Variants in CNTNAP5 observed in about 807,000 individuals in gnomAD.
CNTNAP5 encodes the protein contactin associated protein family member 5, also known as contactin-associated protein-like 5.
CNTNAP5 carries 72 observed loss-of-function variants against 150.2 expected under a neutral mutation model. The ratio of observed to expected loss-of-function variants is 0.48; its 90% CI spans 0.40 to 0.58. The LOEUF is 0.58. CNTNAP5 is among the 20% of genes least tolerant of loss of function. The pLI is 0.00. For missense variants in CNTNAP5, 1,636 were observed against 1,626.2 expected (o/e 1.01, Z -0.10); for synonymous variants, 672 against 619.8 (o/e 1.08, Z -1.25).
intron 7 of CNTNAP5, among the ~76,000 whole-genome samples, chr2:124,497,724 G>A (rs773775724): frequency 1.1e-4 from 16 of 152,128 alleles, no homozygotes; most frequent in South Asian, 4.1e-4. Flanking sequence ...ATGAACATAC[G>A]AGAGTCCAGG....
chr2:124,881,841 C>A (rs892819607), intron 21 of CNTNAP5, among the ~76,000 whole-genome samples: 1 of 152,004 alleles, frequency 6.6e-6, no homozygotes, highest in African/African-American at 2.4e-5. Context: ...GAAACATGGG[C>A]CTTTGTGCTT....
Position 124,709,426 on chromosome 2 carries a change from G to GC in CNTNAP5, c.2078-37803_2078-37802insC, listed in dbSNP as rs1410080080. On this transcript the variant is annotated intron_variant, in intron 13 of 23. Coordinates refer to ENST00000682447, the MANE Select transcript of CNTNAP5 (RefSeq NM_001367498.1). ...AAATTTTATAAAGTTGAAAAAATGA[G>GC]TCTTACATAAATATAGAATGAATAC... Among the ~76,000 whole-genome samples, 4 of 151,974 alleles carry GC rather than the reference G, an allele frequency of 2.6e-5. No homozygotes were observed. In the East Asian group the frequency reaches 7.7e-4, roughly 29 times the overall value.
intron 7 of CNTNAP5, among the ~76,000 whole-genome samples, chr2:124,480,291 A>G (rs1286701108): frequency 6.6e-6 from 1 of 152,240 alleles, no homozygotes; most frequent in East Asian, 1.9e-4. Context: ...GAACTTAAAA[A>G]AGTGTTGCCT....
chr2:124,644,903 C>T (rs1678171875), intron 12 of CNTNAP5, among the ~76,000 whole-genome samples: 1 of 105,848 alleles, frequency 9.4e-6, no homozygotes, highest in East Asian at 2.1e-4. Flanking sequence ...ATCACACACA[C>T]ATACACACAC....
intron 13 of CNTNAP5, among the ~76,000 whole-genome samples, chr2:124,718,236 T>C (rs947671627): frequency 6.6e-6 from 1 of 152,124 alleles, no homozygotes; most frequent in Non-Finnish European, 1.5e-5. Context: ...GTATTATTAT[T>C]CATTAATTAC....
intron 1 of CNTNAP5, among the ~76,000 whole-genome samples, chr2:124,046,799 ACATGCCTCAACATCCCCTGAGTGATAC>A: frequency 6.6e-6 from 1 of 152,342 alleles, no homozygotes; most frequent in African/African-American, 2.4e-5. Context: ...AGCTCCACTG[ACATGCCTCAACATCCCCTGAGTGATAC>A]CATGCCTTGT....
intron 3 of CNTNAP5, among the ~76,000 whole-genome samples, chr2:124,372,282 T>C (rs1054596663): frequency 2.0e-5 from 3 of 152,076 alleles, no homozygotes; most frequent in Non-Finnish European, 4.4e-5. Flanking sequence ...ACTGTGCTAT[T>C]GGCTCCCCTG....
intron 3 of CNTNAP5, among the ~76,000 whole-genome samples, chr2:124,401,516 T>G (rs1289482040): frequency 6.6e-6 from 1 of 152,220 alleles, no homozygotes; most frequent in African/African-American, 2.4e-5. Flanking sequence ...TTTTGAGAAC[T>G]TTATTCAGAA....
rs142027400 is a variant in CNTNAP5 at position 124,828,308 on chromosome 2, C to T, written c.3217+29988C>T. 1.0e-3 allele frequency among the ~76,000 whole-genome samples: 156 copies of T among 152,098 alleles called. 1 individual carries two copies. Among genetic ancestry groups the T allele is most frequent in the African/African-American group, 3.5e-3 (147 of 41,504 alleles). ...CATCCTGGTTAACATGGTGAAATCT[C>T]ATCTCTACTAAATATAAGAAAAATT... On this transcript the variant is annotated intron_variant, in intron 19 of 23. Coordinates refer to ENST00000682447, the MANE Select transcript of CNTNAP5 (RefSeq NM_001367498.1).
At chr2:124,219,649 T>C (rs1403768202) in intron 1 of CNTNAP5, among the ~76,000 whole-genome samples, 1 of 152,142 alleles carries the variant, frequency 6.6e-6, no homozygotes, top group Non-Finnish European at 1.5e-5. Flanking sequence ...TTTTCCACAT[T>C]CATCTGATGC....
At chr2:124,543,669 G>T (rs1695441568) in intron 10 of CNTNAP5, among the ~76,000 whole-genome samples, 1 of 152,118 alleles carries the variant, frequency 6.6e-6, no homozygotes, top group Non-Finnish European at 1.5e-5. Context: ...CTGTTTTTTA[G>T]ATTTATTTAT....
chr2:124,625,204 G>A (rs1337103042), intron 12 of CNTNAP5, among the ~76,000 whole-genome samples: 3 of 152,284 alleles, frequency 2.0e-5, no homozygotes, highest in South Asian at 2.1e-4. Flanking sequence ...GCCTTGAAGG[G>A]TGAGGGCTCC....
chr2:124,659,565 T>C (rs559328509), intron 13 of CNTNAP5, among the ~76,000 whole-genome samples: 4 of 152,200 alleles, frequency 2.6e-5, no homozygotes, highest in Non-Finnish European at 5.9e-5. Flanking sequence ...TGACCTCACT[T>C]GCATCTCATT....
At chr2:124,506,191 G>GAAAAAA (rs541248963) in intron 8 of CNTNAP5, among the ~76,000 whole-genome samples, 1 of 129,294 alleles carries the variant, frequency 7.7e-6, no homozygotes, top group Non-Finnish European at 1.7e-5. Context: ...GACTTTTAAA[G>GAAAAAA]AAAAAAAAAA....
intron 3 of CNTNAP5, among the ~76,000 whole-genome samples, chr2:124,367,709 T>C (rs2104722939): frequency 6.6e-6 from 1 of 152,274 alleles, no homozygotes; most frequent in Non-Finnish European, 1.5e-5. Flanking sequence ...GTTTAAAGTG[T>C]ACTCCATCTG....
At chr2:124,404,205 G>A (rs1045566417) in intron 3 of CNTNAP5, among the ~76,000 whole-genome samples, 1 of 152,196 alleles carries the variant, frequency 6.6e-6, no homozygotes, top group Non-Finnish European at 1.5e-5. Flanking sequence ...GAGTCTCCCT[G>A]AAAATTCCCG....
At chr2:124,578,156 C>CA (rs556786620) in intron 11 of CNTNAP5, among the ~76,000 whole-genome samples, 974 of 69,440 alleles carry the variant, frequency 0.014, 10 homozygotes, top group African/African-American at 0.023. Flanking sequence ...ACTAAAAATA[C>CA]AAAAAAAAAA....
chr2:124,618,581 G>C (rs183985149), intron 12 of CNTNAP5, among the ~76,000 whole-genome samples: 2 of 152,172 alleles, frequency 1.3e-5, no homozygotes, highest in South Asian at 2.1e-4. Flanking sequence ...GCTCCTTCTA[G>C]GCTCCTTTCT....
chr2:124,610,026 A>G, intron 12 of CNTNAP5, 106 bp downstream of exon 12: 2 of 1,293,746 alleles, frequency 1.5e-6, no homozygotes, highest in Admixed American at 2.5e-5. Flanking sequence ...AATTTGAAAG[A>G]CCAACTGGTC....
Sources: allele counts gnomAD v4.1 joint callset (sites outside exome capture counted in the v4.1 genomes callset), GRCh38; gene constraint gnomAD v4.1.1; transcripts MANE v1.5; gene names NCBI Gene and HGNC (gene_info 2026-07-23, HGNC 2026-07-21).